Variants in MTUS1 observed in about 807,000 individuals in gnomAD.
The protein encoded by MTUS1 is microtubule associated scaffold protein 1, also known as microtubule-associated tumor suppressor 1.
In MTUS1, 109 loss-of-function variants were observed where a neutral mutation model predicts 120.8. That is an observed-to-expected ratio of 0.90 (90% CI 0.77 to 1.06). The LOEUF is 1.06. Among genes scored for constraint, MTUS1 ranks in the 50% least tolerant of loss-of-function variants. The probability of loss-of-function intolerance (pLI) is 0.00; values close to 1 mark genes in which losing one functional copy is unlikely to be tolerated. For synonymous variants in MTUS1, 737 were observed against 550.5 expected (o/e 1.34, Z -4.74); for missense variants, 2,210 against 1,486.3 (o/e 1.49, Z -8.01).
At chr8:17,721,821 T>A (rs377705661) in intron 4 of MTUS1, 123 of 1,613,840 alleles carry the variant, frequency 7.6e-5, no homozygotes, top group Non-Finnish European at 1.0e-4. Flanking sequence ...AACCAGCCGG[T>A]GGGGTGAGTG....
chr8:17,722,299 G>A, intron 4 of MTUS1: 3 of 976,712 alleles, frequency 3.1e-6, no homozygotes, highest in Non-Finnish European at 3.7e-6. Flanking sequence ...TGCTTCAAGT[G>A]CCACAAATTC....
intron 1 of MTUS1, among the ~76,000 whole-genome samples, chr8:17,769,598 C>G (rs1034802194): frequency 1.3e-5 from 2 of 151,968 alleles, no homozygotes; most frequent in Non-Finnish European, 2.9e-5. Context: ...CCACCCGCCT[C>G]GGCCTCCCAA....
intron 6 of MTUS1, among the ~76,000 whole-genome samples, chr8:17,701,887 C>G (rs890066647): frequency 6.6e-6 from 1 of 152,172 alleles, no homozygotes; most frequent in Admixed American, 6.5e-5. Context: ...ACACATCAGA[C>G]TGCTCTCCAA....
intron 1 of MTUS1, among the ~76,000 whole-genome samples, chr8:17,784,751 A>C (rs1157934932): frequency 6.6e-6 from 1 of 151,586 alleles, no homozygotes; most frequent in African/African-American, 2.4e-5. Context: ...CAGCTTCCTT[A>C]TCCCTGTTAC....
chr8:17,794,771 C>T (rs1165554711), intron 1 of MTUS1, among the ~76,000 whole-genome samples: 1 of 152,164 alleles, frequency 6.6e-6, no homozygotes, highest in African/African-American at 2.4e-5. Context: ...AATCAGAATT[C>T]TGGGAAATAT....
chr8:17,653,224 C>T lies in MTUS1; in HGVS notation c.3346G>A (p.Glu1116Lys), dbSNP rs1385994506. 2 of 1,556,314 alleles carry T rather than the reference C, an allele frequency of 1.3e-6. No homozygotes were observed. The highest frequency in any genetic ancestry group is 1.7e-6 in the Non-Finnish European group (2 of 1,155,266). ...NDALNEKLKS[E>K]EQKRRAREKA... ...TCTCTTGCTCTTCTTTTTTGTTCTT[C>T]TGATTTCAATTTTTCATTTAAAGCA... The change falls in exon 12 of 15, where the codon GAA (glutamate) becomes AAA (lysine). Residue 1116 changes from glutamate (E) to lysine (K), a missense_variant. Glu to Lys is a moderately conservative substitution (Grantham distance 56). Transcript: ENST00000693296.
At chr8:17,647,677 T>C (rs1036619632) in intron 13 of MTUS1, among the ~76,000 whole-genome samples, 5 of 152,184 alleles carry the variant, frequency 3.3e-5, no homozygotes, top group African/African-American at 7.2e-5. Flanking sequence ...TGAAGATAGA[T>C]AGGTCTGTTC....
intron 1 of MTUS1, among the ~76,000 whole-genome samples, chr8:17,778,140 TAGA>T (rs1430124539): frequency 6.6e-6 from 1 of 151,990 alleles, no homozygotes; most frequent in African/African-American, 2.4e-5. Context: ...CCATCACGGG[TAGA>T]TTATTTTTTT....
At chr8:17,794,557 T>C (rs1489342849) in intron 1 of MTUS1, among the ~76,000 whole-genome samples, 2 of 152,152 alleles carry the variant, frequency 1.3e-5, no homozygotes, top group Non-Finnish European at 2.9e-5. Flanking sequence ...CCATTTCTCA[T>C]TCTCCAATAT....
chr8:17,685,824 TTGA>T (rs1218116637), intron 6 of MTUS1, among the ~76,000 whole-genome samples: 1 of 152,238 alleles, frequency 6.6e-6, no homozygotes, highest in African/African-American at 2.4e-5. Flanking sequence ...TCTGTAATAC[TTGA>T]TGAGAGGAAG....
intron 3 of MTUS1, among the ~76,000 whole-genome samples, chr8:17,731,994 G>A (rs1308161251): frequency 1.3e-5 from 2 of 152,236 alleles, no homozygotes; most frequent in Non-Finnish European, 2.9e-5. Flanking sequence ...ATAAGGACAA[G>A]AGGGCGAAGG....
At position 17,644,283 on chromosome 8, in the gene MTUS1, C is replaced by A. The variant is rs1033610084; in HGVS notation, c.*1643G>T. On this transcript the variant is annotated 3_prime_UTR_variant, in exon 15 of 15. Coordinates refer to ENST00000693296, the MANE Select transcript of MTUS1 (RefSeq NM_001363059.2). ...ACACAAAATCACTAATTTAAAAGAA[C>A]ATGCAACATGAGTATCAACTTGCTA... 2 of 152,636 alleles carry A rather than the reference C, an allele frequency of 1.3e-5. No homozygotes were observed. The highest frequency in any genetic ancestry group is 4.8e-5 in the African/African-American group (2 of 41,466). 9.5% of individuals were successfully genotyped at this position (152,636 alleles called of 1,614,324 possible).
chr8:17,776,459 A>G (rs1289926086), intron 1 of MTUS1, among the ~76,000 whole-genome samples: 2 of 152,018 alleles, frequency 1.3e-5, no homozygotes, highest in East Asian at 3.9e-4. Context: ...AGGTGGGCGG[A>G]TCACCTGAGC....
intron 6 of MTUS1, among the ~76,000 whole-genome samples, chr8:17,711,454 T>C (rs1375456128): frequency 1.2e-5 from 1 of 82,488 alleles, no homozygotes; most frequent in East Asian, 3.6e-4. Flanking sequence ...AGCTTCCAGC[T>C]TTTTTTTTTC....
chr8:17,652,527 G>T (rs975944272), intron 12 of MTUS1, among the ~76,000 whole-genome samples: 1 of 152,034 alleles, frequency 6.6e-6, no homozygotes, highest in Non-Finnish European at 1.5e-5. Context: ...AATGGGTCCA[G>T]GGTTCCTTTT....
intron 1 of MTUS1, among the ~76,000 whole-genome samples, chr8:17,776,916 C>A (rs2050488078): frequency 1.3e-5 from 2 of 152,030 alleles, no homozygotes; most frequent in Admixed American, 6.6e-5. Flanking sequence ...ATTGTAATTG[C>A]GCTTTCGGAG....
At chr8:17,774,226 C>A (rs1187602526) in intron 1 of MTUS1, among the ~76,000 whole-genome samples, 1 of 152,172 alleles carries the variant, frequency 6.6e-6, no homozygotes. Flanking sequence ...CCCATTTAAA[C>A]CACAATGCAG....
At chr8:17,683,469 C>A (rs1815059478) in intron 7 of MTUS1, among the ~76,000 whole-genome samples, 2 of 152,066 alleles carry the variant, frequency 1.3e-5, no homozygotes, top group African/African-American at 4.8e-5. Flanking sequence ...TTTCTTTTTG[C>A]TTTTAATTTT....
chr8:17,798,427 G>A (rs188811841), intron 1 of MTUS1, among the ~76,000 whole-genome samples: 2,791 of 152,050 alleles, frequency 0.018, 70 homozygotes, highest in African/African-American at 0.064. Context: ...CCACCTCCCG[G>A]GTTCAAGCGC....
Sources: allele counts gnomAD v4.1 joint callset (sites outside exome capture counted in the v4.1 genomes callset), GRCh38; gene constraint gnomAD v4.1.1; transcripts MANE v1.5; gene names NCBI Gene and HGNC (gene_info 2026-07-23, HGNC 2026-07-21).